DLGAP2: variants seen among roughly 807,000 people sequenced by gnomAD.
The protein encoded by DLGAP2 is DLG associated protein 2.
Under a neutral mutation model 100.3 loss-of-function variants are expected in DLGAP2, and 26 were observed. The ratio of observed to expected loss-of-function variants is 0.26; its 90% CI spans 0.19 to 0.36. DLGAP2 has a LOEUF of 0.36. DLGAP2 is among the 10% of genes least tolerant of loss of function. The pLI is 1.00. For missense variants in DLGAP2, 1,858 were observed against 1,453.2 expected (o/e 1.28, Z -4.53); for synonymous variants, 886 against 630.1 (o/e 1.41, Z -6.08).
intron 3 of DLGAP2, among the ~76,000 whole-genome samples, chr8:1,365,849 A>G (rs950097858): frequency 6.6e-6 from 1 of 152,236 alleles, no homozygotes; most frequent in Non-Finnish European, 1.5e-5. Flanking sequence ...TCAGACGTAA[A>G]TACACAGTGT....
chr8:1,555,088 G>A (rs141879571), intron 5 of DLGAP2, among the ~76,000 whole-genome samples: 37 of 152,226 alleles, frequency 2.4e-4, no homozygotes, highest in African/African-American at 8.4e-4. Flanking sequence ...ATCTGGGGCC[G>A]TGAATGGATA....
At chr8:984,484 G>T (rs921477785) in intron 2 of DLGAP2, among the ~76,000 whole-genome samples, 2 of 152,212 alleles carry the variant, frequency 1.3e-5, no homozygotes, top group African/African-American at 4.8e-5. Flanking sequence ...GTTTATCTTG[G>T]TTGTGGGGAT....
chr8:1,593,397 G>C (rs1796349303), intron 6 of DLGAP2, among the ~76,000 whole-genome samples: 1 of 152,064 alleles, frequency 6.6e-6, no homozygotes, highest in Non-Finnish European at 1.5e-5. Flanking sequence ...GGAGCTTGCA[G>C]TGAGCCGAGA....
At position 1,537,696 on chromosome 8, in the gene DLGAP2, T is replaced by C. The variant is rs1038425465; in HGVS notation, c.173-10930T>C. ...CTTCATGGATGCAAGGATGGAAGGA[T>C]AGATGGAAGGATGGATGGATGGATG... On this transcript the variant is annotated intron_variant, in intron 4 of 14. Transcript: ENST00000637795. Among the ~76,000 whole-genome samples the C allele has an allele frequency of 5.4e-5, 8 of 147,814 alleles. No homozygotes were observed. In the East Asian group the frequency reaches 8.1e-4, roughly 15 times the overall value.
At chr8:1,193,334 G>C (rs945685944) in intron 2 of DLGAP2, among the ~76,000 whole-genome samples, 1 of 152,184 alleles carries the variant, frequency 6.6e-6, no homozygotes, top group African/African-American at 2.4e-5. Context: ...TCCAGCACCT[G>C]TTGTTTCCTG....
intron 5 of DLGAP2, among the ~76,000 whole-genome samples, chr8:1,557,535 C>A (rs1327925868): frequency 6.6e-6 from 1 of 152,096 alleles, no homozygotes; most frequent in Non-Finnish European, 1.5e-5. Context: ...GGTCTCCGCA[C>A]CGAGGCAAGG....
At chr8:1,524,306 A>G (rs1237023590) in intron 4 of DLGAP2, among the ~76,000 whole-genome samples, 1 of 152,176 alleles carries the variant, frequency 6.6e-6, no homozygotes, top group African/African-American at 2.4e-5. Context: ...TTTAGGGGAC[A>G]ACACAGACCC....
chr8:1,201,209 A>G (rs1797865370), intron 2 of DLGAP2, among the ~76,000 whole-genome samples: 1 of 152,168 alleles, frequency 6.6e-6, no homozygotes, highest in Non-Finnish European at 1.5e-5. Flanking sequence ...GGTTCTCGAG[A>G]GACGCAGAAC....
Position 1,544,591 on chromosome 8 carries a change from C to T in DLGAP2, c.173-4035C>T, listed in dbSNP as rs999903115. Among the ~76,000 whole-genome samples, 39 of 152,202 alleles carry T rather than the reference C, an allele frequency of 2.6e-4. 1 individual carries two copies. Among genetic ancestry groups the T allele is most frequent in the Admixed American group, 2.5e-3 (38 of 15,292 alleles). ...TTGTGTTGAGTATGTGGCCTTTTCC[C>T]CTTTGTTCTATTAAAGTGATTTATT... On this transcript the variant is annotated intron_variant, in intron 4 of 14. Coordinates refer to ENST00000637795, the MANE Select transcript of DLGAP2 (RefSeq NM_001346810.2).
chr8:1,033,757 C>T (rs1463284661), intron 2 of DLGAP2, among the ~76,000 whole-genome samples: 35 of 149,996 alleles, frequency 2.3e-4, no homozygotes, highest in Non-Finnish European at 2.4e-4. Context: ...CTCATCCCGA[C>T]CCCGCGTGTC....
At chr8:1,537,194 C>T (rs1801181832) in intron 4 of DLGAP2, among the ~76,000 whole-genome samples, 1 of 152,084 alleles carries the variant, frequency 6.6e-6, no homozygotes, top group Non-Finnish European at 1.5e-5. Flanking sequence ...AATGGGTGTG[C>T]ATGCATGCAT....
intron 4 of DLGAP2, among the ~76,000 whole-genome samples, chr8:1,535,817 G>C (rs1466362096): frequency 6.6e-6 from 1 of 152,144 alleles, no homozygotes; most frequent in Non-Finnish European, 1.5e-5. Context: ...GGGCATTGAA[G>C]GCAGACAGTG....
chr8:1,073,602 A>G (rs746337153), intron 2 of DLGAP2, among the ~76,000 whole-genome samples: 2 of 152,234 alleles, frequency 1.3e-5, no homozygotes, highest in Non-Finnish European at 2.9e-5. Flanking sequence ...TAGTTCCTTG[A>G]GTGAAATGGT....
At chr8:1,189,617 G>A (rs73539223) in intron 2 of DLGAP2, among the ~76,000 whole-genome samples, 16,905 of 152,242 alleles carry the variant, frequency 0.11, 2,771 homozygotes, top group African/African-American at 0.36. Context: ...ATTCAAGCAC[G>A]TTTAGCAGTT....
chr8:1,319,252 C>G (rs551278113), intron 3 of DLGAP2, among the ~76,000 whole-genome samples: 1 of 152,286 alleles, frequency 6.6e-6, no homozygotes, highest in African/African-American at 2.4e-5. Flanking sequence ...GCTAAGCTCT[C>G]TGGAATTGTT....
At chr8:1,510,959 C>T (rs983118053) in intron 4 of DLGAP2, among the ~76,000 whole-genome samples, 1 of 152,228 alleles carries the variant, frequency 6.6e-6, no homozygotes, top group Non-Finnish European at 1.5e-5. Context: ...GCACATCTCC[C>T]TTTGCTAATG....
At position 1,701,374 on chromosome 8, in the gene DLGAP2, A is replaced by G. The variant is rs1799564306; in HGVS notation, c.3136A>G (p.Ile1046Val). The G allele has an allele frequency of 3.1e-6, 5 of 1,598,250 alleles. No individual in the cohort carries two copies. In the South Asian group the frequency reaches 5.7e-5, roughly 18 times the overall value. Residue 1046 changes from isoleucine to valine, a missense_variant, in exon 15 of 15, where the codon ATC becomes GTC. Coordinates refer to ENST00000637795, the MANE Select transcript of DLGAP2 (RefSeq NM_001346810.2). ...CTCCGAGCGCGCGGACAGCATCGAG[A>G]TCTACATCCCCGAGGCCCAGACCCG... is the stretch of plus-strand genomic sequence containing the variant. ...SASERADSIEIYIPEAQTRL is the reference protein window; with the variant it reads ...SASERADSIEVYIPEAQTRL
intron 4 of DLGAP2, among the ~76,000 whole-genome samples, chr8:1,501,902 C>G (rs1799736769): frequency 6.6e-6 from 1 of 152,200 alleles, no homozygotes; most frequent in Non-Finnish European, 1.5e-5. Context: ...GCTGCCACGA[C>G]ACACTTTCCC....
At chr8:1,182,599 C>G (rs999126784) in intron 2 of DLGAP2, among the ~76,000 whole-genome samples, 1 of 152,174 alleles carries the variant, frequency 6.6e-6, no homozygotes, top group African/African-American at 2.4e-5. Flanking sequence ...AGAATTGTGT[C>G]ACTAGGAAAT....
Sources: gnomAD v4.1 joint callset for allele counts (sites outside exome capture counted in the v4.1 genomes callset) on GRCh38, gnomAD v4.1.1 for gene constraint, MANE v1.5 for transcripts, NCBI Gene and HGNC (gene_info 2026-07-23, HGNC 2026-07-21) for gene names.